SPON1: variants seen among roughly 807,000 people sequenced by gnomAD.
The protein encoded by SPON1 is spondin-1.
A neutral mutation model predicts 111.7 loss-of-function variants in SPON1; 52 were observed. The observed-to-expected ratio is 0.47, with a 90% CI of 0.37 to 0.59. The LOEUF (loss-of-function observed/expected upper bound fraction) is 0.59, where lower values mean the gene tolerates loss of function less well. Ranked by LOEUF, SPON1 falls within the 20% of genes least tolerant of loss-of-function variation. The pLI, the probability that SPON1 is intolerant of heterozygous loss-of-function variation, is 0.00. For missense variants in SPON1, 957 were observed against 1,068.5 expected (o/e 0.90, Z 1.46); for synonymous variants, 410 against 395.8 (o/e 1.04, Z -0.43).
intron 5 of SPON1, among the ~76,000 whole-genome samples, chr11:14,122,018 T>A (rs1237947828): frequency 6.6e-6 from 1 of 151,990 alleles, no homozygotes; most frequent in African/African-American, 2.4e-5. Context: ...GCTTTGAAGA[T>A]TTTCTCTTTT....
At chr11:14,168,920 G>C (rs1308392073) in intron 6 of SPON1, among the ~76,000 whole-genome samples, 1 of 152,110 alleles carries the variant, frequency 6.6e-6, no homozygotes, top group East Asian at 1.9e-4. Flanking sequence ...ATTTGGGTTG[G>C]TTCCAAGTCA....
chr11:14,075,094 T>C (rs1848906615), intron 3 of SPON1, among the ~76,000 whole-genome samples: 1 of 152,156 alleles, frequency 6.6e-6, no homozygotes, highest in Non-Finnish European at 1.5e-5. Flanking sequence ...CCAAAAACAA[T>C]TTAGTAACTA....
chr11:14,003,683 C>T (rs1848337153), intron 2 of SPON1, among the ~76,000 whole-genome samples: 1 of 151,966 alleles, frequency 6.6e-6, no homozygotes, highest in African/African-American at 2.4e-5. Context: ...TTGAGGTTTA[C>T]AACATAATGT....
At position 14,220,485 on chromosome 11, in the gene SPON1, G is replaced by A. The variant is rs192012719; in HGVS notation, c.826-22847G>A. On this transcript the variant is annotated intron_variant, in intron 6 of 15. Transcript: ENST00000576479. ...GTTAGGCTGTTTTGGGCAATCCTTTGAAGTGGTTTTTCCTCCCAAATTTTC... is the reference window on the plus strand; with the variant it reads ...GTTAGGCTGTTTTGGGCAATCCTTTAAAGTGGTTTTTCCTCCCAAATTTTC... Among the ~76,000 whole-genome samples, 3 of 152,256 alleles carry A rather than the reference G, an allele frequency of 2.0e-5. No homozygotes were observed. In the East Asian group the frequency reaches 5.8e-4, roughly 29 times the overall value.
Position 14,179,949 on chromosome 11 carries a change from G to C in SPON1, c.825+44381G>C, listed in dbSNP as rs547147345. ...ATTTCAGATTCATTCTCTTCTCTTC[G>C]TCCTCACTGCTAACTACCTTGATTC... is the stretch of plus-strand genomic sequence containing the variant. On this transcript the variant is annotated intron_variant, in intron 6 of 15. Transcript: ENST00000576479. Among the ~76,000 whole-genome samples, 3 of 151,868 alleles carry C rather than the reference G, an allele frequency of 2.0e-5. No homozygotes were observed. In the South Asian group the frequency reaches 6.2e-4, roughly 32 times the overall value.
At chr11:14,158,704 A>G (rs1847876452) in intron 6 of SPON1, among the ~76,000 whole-genome samples, 2 of 152,142 alleles carry the variant, frequency 1.3e-5, no homozygotes, top group South Asian at 2.1e-4. Context: ...CCTTTCCAAT[A>G]CTTTAAACCA....
intron 5 of SPON1, among the ~76,000 whole-genome samples, chr11:14,130,559 G>A (rs916037936): frequency 6.6e-6 from 1 of 151,622 alleles, no homozygotes; most frequent in African/African-American, 2.4e-5. Flanking sequence ...GAAAAGGAAG[G>A]CATTTTTTAT....
At chr11:14,142,248 C>T (rs1847665151) in intron 6 of SPON1, among the ~76,000 whole-genome samples, 1 of 152,162 alleles carries the variant, frequency 6.6e-6, no homozygotes, top group Non-Finnish European at 1.5e-5. Flanking sequence ...GCCTCTGTTT[C>T]CTTATCAGTA....
chr11:14,012,032 T>C (rs1848408710), intron 2 of SPON1, among the ~76,000 whole-genome samples: 1 of 152,172 alleles, frequency 6.6e-6, no homozygotes, highest in Non-Finnish European at 1.5e-5. Context: ...AGCAGAGTCC[T>C]GGCAGGTAAA....
chr11:14,146,014 C>G (rs1564915216), intron 6 of SPON1, among the ~76,000 whole-genome samples: 2 of 152,072 alleles, frequency 1.3e-5, no homozygotes, highest in African/African-American at 4.8e-5. Context: ...CATAGAATAT[C>G]TCTATGAACA....
At chr11:14,035,916 C>A (rs1181410352) in intron 2 of SPON1, among the ~76,000 whole-genome samples, 1 of 152,134 alleles carries the variant, frequency 6.6e-6, no homozygotes, top group African/African-American at 2.4e-5. Context: ...CCATGCCCAG[C>A]CTACTACACT....
At chr11:14,014,947 T>G (rs977404472) in intron 2 of SPON1, among the ~76,000 whole-genome samples, 1 of 152,210 alleles carries the variant, frequency 6.6e-6, no homozygotes, top group African/African-American at 2.4e-5. Context: ...CTTCTTCTAT[T>G]GTAAACAAAT....
intron 2 of SPON1, among the ~76,000 whole-genome samples, chr11:13,999,191 A>G (rs1848296935): frequency 6.6e-6 from 1 of 152,244 alleles, no homozygotes. Flanking sequence ...ATTTAGCAGT[A>G]TACATTCGTA....
At chr11:14,127,949 T>C (rs1847479275) in intron 5 of SPON1, among the ~76,000 whole-genome samples, 1 of 152,146 alleles carries the variant, frequency 6.6e-6, no homozygotes, top group Non-Finnish European at 1.5e-5. Flanking sequence ...CTATCATATA[T>C]AATAAGAACT....
At chr11:13,981,893 A>G (rs146147748) in intron 1 of SPON1, among the ~76,000 whole-genome samples, 179 of 152,244 alleles carry the variant, frequency 1.2e-3, no homozygotes, top group African/African-American at 4.2e-3. Context: ...TAAGCAGGCA[A>G]AGGCAAGAGA....
intron 6 of SPON1, among the ~76,000 whole-genome samples, chr11:14,177,109 C>T (rs1435020305): frequency 6.6e-6 from 1 of 152,160 alleles, no homozygotes; most frequent in Non-Finnish European, 1.5e-5. Flanking sequence ...GGCGCCATCT[C>T]AGCTCACTGC....
At position 14,113,568 on chromosome 11, in the gene SPON1, ATTTTTTTTTTTTTTTTTT is replaced by A. The variant is rs782780924; in HGVS notation, c.677-21817_677-21800del. On this transcript the variant is annotated intron_variant, in intron 5 of 15. Coordinates refer to ENST00000576479, the MANE Select transcript of SPON1 (RefSeq NM_006108.4). ...AAGTCACCTCCTATGTACTTTTTAA[ATTTTTTTTTTTTTTTTTT>A]TTTTTTTTTTTTTTTTTTTTTTTTT... Among the ~76,000 whole-genome samples, 114 of 74,736 alleles carry A rather than the reference ATTTTTTTTTTTTTTTTTT, an allele frequency of 1.5e-3. 11 individuals are homozygous for A. The highest frequency in any genetic ancestry group is 5.1e-3 in the African/African-American group (95 of 18,788). 49.0% of individuals were successfully genotyped at this position (74,736 alleles called of 152,430 possible). A position where few individuals can be genotyped will look rare whatever the true frequency, so the allele number is the denominator to read the frequency against.
Position 14,160,419 on chromosome 11 carries a change from ATATATATATATTTATATATATATTT to A in SPON1, c.825+24852_825+24876del, listed in dbSNP as rs1847898614. Reference sequence around the variant, plus strand: ...TATATATATTTATATATATATATTTATATATATATATTTATATATATATTTATATATATATTTATATATATATATT... The same window carrying A: ...TATATATATTTATATATATATATTTAATATATATATTTATATATATATATT... On this transcript the variant is annotated intron_variant, in intron 6 of 15. Coordinates refer to ENST00000576479, the MANE Select transcript of SPON1 (RefSeq NM_006108.4). Among the ~76,000 whole-genome samples, 2 of 41,812 alleles carry A rather than the reference ATATATATATATTTATATATATATTT, an allele frequency of 4.8e-5. 1 individual carries two copies. Among genetic ancestry groups the A allele is most frequent in the Non-Finnish European group, 7.4e-5 (2 of 27,040 alleles). The allele number at this position is 41,812 out of a possible 152,430, so 27.4% of individuals were successfully genotyped here.
chr11:13,997,113 T>A (rs1304251896), intron 2 of SPON1, among the ~76,000 whole-genome samples: 1 of 152,230 alleles, frequency 6.6e-6, no homozygotes, highest in African/African-American at 2.4e-5. Flanking sequence ...CTGTACATAC[T>A]CACATGTATG....
Sources: gnomAD v4.1 joint callset for allele counts (sites outside exome capture counted in the v4.1 genomes callset) on GRCh38, gnomAD v4.1.1 for gene constraint, MANE v1.5 for transcripts, NCBI Gene and HGNC (gene_info 2026-07-23, HGNC 2026-07-21) for gene names.